Variants in TCF7L2 observed in about 807,000 individuals in gnomAD.
The protein encoded by TCF7L2 is transcription factor 7 like 2.
A neutral mutation model predicts 77.9 loss-of-function variants in TCF7L2; 23 were observed. That is an observed-to-expected ratio of 0.30 (90% confidence interval 0.21 to 0.42). TCF7L2 has a LOEUF of 0.42. TCF7L2 is among the 10% of genes least tolerant of loss of function. The probability of loss-of-function intolerance (pLI) is 1.00; values close to 1 mark genes in which losing one functional copy is unlikely to be tolerated. For missense variants in TCF7L2, 654 were observed against 793.1 expected, an observed-to-expected ratio of 0.82 and a Z score of 2.11; for synonymous variants, 413 against 340.2, an observed-to-expected ratio of 1.21 and a Z score of -2.36.
chr10:113,165,758 T>G lies in TCF7L2; in HGVS notation c.1595T>G (p.Met532Arg), dbSNP rs2137652351. Residue 532 changes from methionine (M) to arginine (R), a missense_variant, in exon 14 of 14, where the codon ATG (methionine) becomes AGG (arginine). By Grantham distance (91) the Met-to-Arg change is moderately conservative. Transcript: ENST00000627217. ...GACCCCCTGGCCCACCTGTCCATGA[T>G]GCCTCCGCCACCCGCCCTCCTGCTC... 3 of 1,610,348 alleles carry G rather than the reference T, an allele frequency of 1.9e-6. No individual in the cohort carries two copies. The highest frequency in any genetic ancestry group is 2.5e-6 in the Non-Finnish European group (3 of 1,178,346).
chr10:112,950,641 T>A lies in TCF7L2; in HGVS notation c.-116T>A. On this transcript the variant is annotated 5_prime_UTR_variant, in exon 1 of 14. Transcript: ENST00000627217. ...AAGCAGAAAAAAGTTCACCTTGGAC[T>A]CGTCTTTTTCTTGCAATATTTTTTG... 3 of 1,106,632 alleles carry A rather than the reference T, an allele frequency of 2.7e-6. No homozygotes were observed. Among genetic ancestry groups the A allele is most frequent in the Non-Finnish European group, 3.6e-6 (3 of 832,160 alleles). The allele number at this position is 1,106,632 out of a possible 1,614,324, so 68.6% of individuals were successfully genotyped here.
chr10:113,111,358 G>A (rs539409820), intron 5 of TCF7L2, among the ~76,000 whole-genome samples: 1 of 152,260 alleles, frequency 6.6e-6, no homozygotes, highest in South Asian at 2.1e-4. Context: ...ACAGAGCCAG[G>A]CATGAAATAG....
intron 4 of TCF7L2, among the ~76,000 whole-genome samples, chr10:113,021,424 T>G (rs1385976999): frequency 6.6e-6 from 1 of 152,216 alleles, no homozygotes; most frequent in Non-Finnish European, 1.5e-5. Flanking sequence ...AAGCACTTCC[T>G]GACATTATTG....
chr10:113,083,259 G>GACAGAC (rs1555025942), intron 5 of TCF7L2, among the ~76,000 whole-genome samples: 1 of 143,364 alleles, frequency 7.0e-6, no homozygotes, highest in African/African-American at 2.6e-5. Context: ...TATACTGATA[G>GACAGAC]ACACACACAC....
At chr10:113,143,791 A>C (rs1288578838) in intron 6 of TCF7L2, 132 bp from the exon 7 acceptor site, 1 of 644,876 alleles carries the variant, frequency 1.6e-6, no homozygotes, top group Non-Finnish European at 2.6e-6. Context: ...AGGATTTATA[A>C]TCATGAATGA....
chr10:113,061,693 T>C (rs1220411939), intron 5 of TCF7L2, among the ~76,000 whole-genome samples: 1 of 152,234 alleles, frequency 6.6e-6, no homozygotes, highest in African/African-American at 2.4e-5. Context: ...GCCTGCTTTT[T>C]CTCCCTTTTT....
chr10:112,981,914 G>A (rs145034729), intron 4 of TCF7L2, among the ~76,000 whole-genome samples: 2,094 of 152,284 alleles, frequency 0.014, 23 homozygotes, highest in Admixed American at 0.022. Context: ...GCCCCAGCAT[G>A]CCAGCCCCCA....
rs766068443 is a variant in TCF7L2, at chr10:113,040,100, C to G, written c.526C>G (p.Arg176Gly). The change falls in exon 5 of 14, where the codon CGG (arginine) becomes GGG (glycine). Residue 176 changes from arginine to glycine, a missense_variant. Arg to Gly is a moderately radical substitution (Grantham distance 125, BLOSUM62 -2). Coordinates refer to ENST00000627217, the MANE Select transcript of TCF7L2 (RefSeq NM_001146274.2). ...GAGTAGACAAGCCCTCAAGGATGCCCGGTCCCCATCACCGGCACACATTGT... is the reference window on the plus strand; with the variant it reads ...GAGTAGACAAGCCCTCAAGGATGCCGGGTCCCCATCACCGGCACACATTGT... The G allele has an allele frequency of 6.2e-7, 1 of 1,613,808 alleles. No homozygotes were observed. The highest frequency in any genetic ancestry group is 8.5e-7 in the Non-Finnish European group (1 of 1,179,848).
At chr10:113,117,653 G>A (rs982116576) in intron 5 of TCF7L2, among the ~76,000 whole-genome samples, 1 of 152,160 alleles carries the variant, frequency 6.6e-6, no homozygotes, top group Non-Finnish European at 1.5e-5. Flanking sequence ...TTTGTGGTGC[G>A]CGCTTAGTCA....
At position 113,151,901 on chromosome 10, in the gene TCF7L2, T is replaced by A; in HGVS notation, c.1161+17T>A. On this transcript the variant is annotated intron_variant, in intron 10 of 13. Transcript: ENST00000627217. The surrounding 1 kb of genome is among the most constrained non-coding windows in gnomAD (Gnocchi z 5.2). ...GGGCGGAGGGTAGGTGACGCCCTTC[T>A]CAGGGAGAAGCGGGGGGCGGGTGGT... The A allele has an allele frequency of 6.3e-7, 1 of 1,586,982 alleles. No individual in the cohort carries two copies. Among genetic ancestry groups the A allele is most frequent in the South Asian group, 1.2e-5 (1 of 86,074 alleles).
intron 13 of TCF7L2, among the ~76,000 whole-genome samples, chr10:113,160,953 G>C (rs150740823): frequency 2.0e-5 from 3 of 152,118 alleles, no homozygotes; most frequent in African/African-American, 7.2e-5. Context: ...ACAAGGAGGG[G>C]CACTTATCTT....
Position 113,165,857 on chromosome 10 carries a change from C to T in TCF7L2, c.1694C>T (p.Pro565Leu), listed in dbSNP as rs776874056. Reference sequence around the variant, plus strand: ...GACCTGCCCCCAGCCGCTTTGCAGCCTGCCGCCCCCTCCTCATCAATTGCA... The same window carrying T: ...GACCTGCCCCCAGCCGCTTTGCAGCTTGCCGCCCCCTCCTCATCAATTGCA... Residue 565 changes from proline to leucine, a missense_variant, in exon 14 of 14, where the codon CCT becomes CTT. By Grantham distance (98) the Pro-to-Leu change is moderately conservative. This residue lies in a region of TCF7L2 where 272 missense variants were observed against 215.4 expected (regional missense o/e 1.26). Coordinates refer to ENST00000627217, the MANE Select transcript of TCF7L2 (RefSeq NM_001146274.2). 4.2e-5 allele frequency: 68 copies of T among 1,607,838 alleles called. 1 individual carries two copies. In the Admixed American group the frequency reaches 5.0e-4, roughly 12 times the overall value.
At chr10:113,127,243 GTTT>G (rs11313601) in intron 5 of TCF7L2, among the ~76,000 whole-genome samples, 2 of 139,978 alleles carry the variant, frequency 1.4e-5, no homozygotes, top group African/African-American at 2.7e-5. Context: ...GGGGTTTCGG[GTTT>G]TTTTTTTTTT....
intron 4 of TCF7L2, among the ~76,000 whole-genome samples, chr10:113,002,103 G>GA (rs754630054): frequency 3.9e-5 from 6 of 152,266 alleles, no homozygotes; most frequent in Non-Finnish European, 7.4e-5. Context: ...TCTTAGGAAG[G>GA]AAAAACTGTG....
intron 4 of TCF7L2, among the ~76,000 whole-genome samples, chr10:112,994,034 G>A (rs559426996): frequency 1.6e-4 from 24 of 150,720 alleles, no homozygotes; most frequent in African/African-American, 5.4e-4. Context: ...CAGCCTGGGC[G>A]GCAGAGCGAG....
rs148054241 is a variant in TCF7L2, at chr10:113,046,908, G to A, written c.552+6782G>A. Among the ~76,000 whole-genome samples the A allele has an allele frequency of 4.6e-3, 696 of 152,142 alleles. 2 individuals are homozygous for A. The highest frequency in any genetic ancestry group is 7.5e-3 in the Non-Finnish European group (511 of 68,010). The stretch of plus-strand genomic sequence containing the variant: ...TTATATTTGTTTTTAACATACTTGA[G>A]CTCATAGTGCTCAGTATTTCCAACG... On this transcript the variant is annotated intron_variant, in intron 5 of 13. Transcript: ENST00000627217.
intron 4 of TCF7L2, among the ~76,000 whole-genome samples, chr10:113,010,895 A>G (rs1190196468): frequency 6.6e-6 from 1 of 152,206 alleles, no homozygotes; most frequent in African/African-American, 2.4e-5. Context: ...GTGCACCTGT[A>G]GTCTCAGCTA....
chr10:113,040,203 C>A, intron 5 of TCF7L2, 77 bp downstream of exon 5: 2 of 1,232,006 alleles, frequency 1.6e-6, no homozygotes, highest in Non-Finnish European at 2.3e-6. Flanking sequence ...TGATAACAGG[C>A]CTTATTTGTC....
chr10:113,099,646 AC>A (rs1334570849), intron 5 of TCF7L2, among the ~76,000 whole-genome samples: 1 of 152,080 alleles, frequency 6.6e-6, no homozygotes, highest in Non-Finnish European at 1.5e-5. Context: ...ATGAGAGGTG[AC>A]CCCCGAGCTC....
Sources: gnomAD v4.1 joint callset for allele counts (sites outside exome capture counted in the v4.1 genomes callset) on GRCh38, gnomAD v4.1.1 for gene constraint, gnomAD v4.1.1 regional missense constraint, Gnocchi (gnomAD v3.1) non-coding constraint, MANE v1.5 for transcripts, NCBI Gene and HGNC (gene_info 2026-07-23, HGNC 2026-07-21) for gene names.